The following KLHL8 variants were observed in gnomAD, a reference collection of about 807,000 sequenced individuals.
KLHL8 encodes kelch like family member 8.
Under a neutral mutation model 63.5 loss-of-function variants are expected in KLHL8, and 38 were observed. That is an observed-to-expected ratio of 0.60 (90% CI 0.46 to 0.78). The LOEUF is 0.78. KLHL8 is among the 30% of genes least tolerant of loss of function. The pLI is 0.00. For missense variants in KLHL8, 566 were observed against 752.4 expected (o/e 0.75, Z 2.90); for synonymous variants, 224 against 254.3 (o/e 0.88, Z 1.13).
At position 87,161,985 on chromosome 4, in the gene KLHL8, T is replaced by C. The variant is rs1730193546; in HGVS notation, c.*1534A>G. On this transcript the variant is annotated 3_prime_UTR_variant, in exon 10 of 10. Coordinates refer to ENST00000273963, the MANE Select transcript of KLHL8 (RefSeq NM_020803.5). ...ACTGGCTTTTTTTTGTGATGTGGCT[T>C]TTTTTGTGATGTGGCTTTCCACACT... The C allele has an allele frequency of 6.6e-6, 1 of 152,232 alleles. No individual in the cohort carries two copies. Among genetic ancestry groups the C allele is most frequent in the Non-Finnish European group, 1.5e-5 (1 of 68,046 alleles). 9.4% of individuals were successfully genotyped at this position (152,232 alleles called of 1,614,324 possible).
At chr4:87,178,388 T>C in intron 5 of KLHL8, 89 bp downstream of exon 5, 1 of 1,327,100 alleles carries the variant, frequency 7.5e-7, no homozygotes, top group Non-Finnish European at 1.0e-6. Flanking sequence ...AATTTAGTCA[T>C]TTTCTTATAT....
intron 8 of KLHL8, among the ~76,000 whole-genome samples, chr4:87,169,532 G>A (rs903989325): frequency 2.0e-5 from 3 of 152,080 alleles, no homozygotes; most frequent in Admixed American, 1.3e-4. Context: ...TTTTAAACAT[G>A]AAAGATGAAG....
At chr4:87,173,835 A>T (rs191927962) in intron 6 of KLHL8, among the ~76,000 whole-genome samples, 1 of 152,310 alleles carries the variant, frequency 6.6e-6, no homozygotes, top group East Asian at 1.9e-4. Context: ...CATAGTGTAA[A>T]TCACTCCCTA....
intron 2 of KLHL8, among the ~76,000 whole-genome samples, chr4:87,191,063 A>G (rs542047769): frequency 6.6e-6 from 1 of 152,374 alleles, no homozygotes; most frequent in South Asian, 2.1e-4. Flanking sequence ...AGGTTTCTAC[A>G]TATCTCAAGA....
chr4:87,239,509 A>C (rs1039070316), intron 1 of KLHL8, among the ~76,000 whole-genome samples: 3 of 152,212 alleles, frequency 2.0e-5, no homozygotes, highest in Non-Finnish European at 2.9e-5. Context: ...ACTTCTAATA[A>C]GTGAAAAGTT....
rs1241371756 is a variant in KLHL8 at position 87,195,980 on chromosome 4, T to G, written c.-151-290A>C. ...AAGGCCATGAACTAAAATTTTTCTA[T>G]TTTTTAATTTTTATTTTAGAGATGG... On this transcript the variant is annotated intron_variant, in intron 1 of 9. Transcript: ENST00000273963. Among the ~76,000 whole-genome samples, 3 of 152,236 alleles carry G rather than the reference T, an allele frequency of 2.0e-5. No homozygotes were observed. In the East Asian group the frequency reaches 5.8e-4, roughly 29 times the overall value.
At chr4:87,183,492 TCTC>T (rs1226266133) in intron 3 of KLHL8, 103 bp from the exon 4 acceptor site, 9 of 829,950 alleles carry the variant, frequency 1.1e-5, no homozygotes, top group Non-Finnish European at 1.7e-5. Flanking sequence ...GATGAGTAAT[TCTC>T]CACTTCTACT....
intron 9 of KLHL8, 24 bp from the exon 10 acceptor site, chr4:87,163,666 T>C (rs771107213): frequency 1.2e-6 from 2 of 1,611,438 alleles, no homozygotes; most frequent in Admixed American, 1.7e-5. Context: ...GAAGAAAAAA[T>C]GTTACAAAGC....
Position 87,170,245 on chromosome 4 carries a change from GAA to G in KLHL8, c.1378-9_1378-8del. On this transcript the variant is annotated splice_region_variant and splice_polypyrimidine_tract_variant and intron_variant, in intron 7 of 9. Transcript: ENST00000273963. The stretch of plus-strand genomic sequence containing the variant: ...CTACTGCATAAACATGGTTCTAAAT[GAA>G]GAGAGTCAAACAAAACACATTAGAT... The G allele has an allele frequency of 6.2e-7, 1 of 1,602,760 alleles. No individual in the cohort carries two copies. Among genetic ancestry groups the G allele is most frequent in the Non-Finnish European group, 8.5e-7 (1 of 1,175,588 alleles).
At chr4:87,216,959 G>C (rs1732619991) in intron 1 of KLHL8, among the ~76,000 whole-genome samples, 1 of 152,144 alleles carries the variant, frequency 6.6e-6, no homozygotes, top group African/African-American at 2.4e-5. Context: ...CACAGCTAAG[G>C]AAAGAGGTTT....
chr4:87,216,601 A>C (rs1732605375), intron 1 of KLHL8, among the ~76,000 whole-genome samples: 1 of 152,216 alleles, frequency 6.6e-6, no homozygotes, highest in African/African-American at 2.4e-5. Context: ...TAACAGATTC[A>C]GGTTAAGAGT....
At chr4:87,234,214 C>T (rs376942654) in intron 1 of KLHL8, among the ~76,000 whole-genome samples, 11 of 152,100 alleles carry the variant, frequency 7.2e-5, no homozygotes, top group Middle Eastern at 3.4e-3. Context: ...CCAAGGTGGG[C>T]GGATCACAAG....
At chr4:87,222,129 CAA>C (rs764012265), upstream of KLHL8, among the ~76,000 whole-genome samples, 33 of 152,140 alleles carry the variant, frequency 2.2e-4, 1 homozygote, top group Non-Finnish European at 3.5e-4. Context: ...CTAGACCTGC[CAA>C]AGAGGAACAT....
At chr4:87,207,398 T>C (rs1391471654) in intron 1 of KLHL8, 11 of 675,528 alleles carry the variant, frequency 1.6e-5, no homozygotes, top group Non-Finnish European at 2.2e-5. Context: ...TTCACCCCCA[T>C]GGAGAAGGCT....
At chr4:87,181,442 C>G (rs2109985352) in intron 4 of KLHL8, among the ~76,000 whole-genome samples, 1 of 151,930 alleles carries the variant, frequency 6.6e-6, no homozygotes, top group Middle Eastern at 3.4e-3. Context: ...AAACTGAGAC[C>G]CTGATTAATA....
intron 2 of KLHL8, among the ~76,000 whole-genome samples, chr4:87,189,600 C>T (rs990259496): frequency 2.6e-5 from 4 of 151,930 alleles, no homozygotes; most frequent in African/African-American, 9.7e-5. Flanking sequence ...CATCATGGCT[C>T]GAGTGCCACT....
chr4:87,169,197 C>G (rs1339504973), intron 8 of KLHL8, among the ~76,000 whole-genome samples: 1 of 152,092 alleles, frequency 6.6e-6, no homozygotes, highest in African/African-American at 2.4e-5. Flanking sequence ...CCCAGTTACT[C>G]AGAAGGCTGA....
intron 2 of KLHL8, among the ~76,000 whole-genome samples, chr4:87,187,040 T>C (rs746128798): frequency 8.5e-5 from 13 of 152,242 alleles, no homozygotes; most frequent in East Asian, 1.9e-4. Context: ...TCCAACAGTA[T>C]GCTATTACAA....
chr4:87,164,953 C>T (rs1001212609), intron 8 of KLHL8, among the ~76,000 whole-genome samples: 17 of 151,992 alleles, frequency 1.1e-4, no homozygotes, highest in South Asian at 2.1e-4. Context: ...TCGAGACCAT[C>T]CTGGCTAACA....
Sources: gnomAD v4.1 joint callset for allele counts (sites outside exome capture counted in the v4.1 genomes callset) on GRCh38, gnomAD v4.1.1 for gene constraint, MANE v1.5 for transcripts, NCBI Gene and HGNC (gene_info 2026-07-23, HGNC 2026-07-21) for gene names.